Variants in DEFB118 observed in about 807,000 individuals in gnomAD.
The protein encoded by DEFB118 is defensin beta 118.
DEFB118 carries 3 observed loss-of-function variants against 2.8 expected under a neutral mutation model. That is an observed-to-expected ratio of 1.09 (90% CI 0.50 to 2.82). The LOEUF is 2.82. DEFB118 is among the 30% of genes most tolerant of loss of function. The pLI is 0.04. For synonymous variants in DEFB118, 63 were observed against 53.5 expected (o/e 1.18, Z -0.78); for missense variants, 159 against 144.6 (o/e 1.10, Z -0.51).
intron 1 of DEFB118, 146 bp from the exon 2 acceptor site, chr20:31,372,711 A>T (rs1199307710): frequency 9.3e-6 from 6 of 643,112 alleles, no homozygotes; most frequent in Non-Finnish European, 1.6e-5. Flanking sequence ...GAGGTTGAGT[A>T]TTTGCCAGAC....
chr20:31,372,091 T>C (rs188355043), intron 1 of DEFB118, among the ~76,000 whole-genome samples: 1 of 152,352 alleles, frequency 6.6e-6, no homozygotes, highest in African/African-American at 2.4e-5. Context: ...CACTCATCAG[T>C]TGATAGGCAC....
rs1986248995 is a variant in DEFB118, at chr20:31,373,299, C to T, written c.*129C>T. 1 of 819,898 alleles carries T rather than the reference C, an allele frequency of 1.2e-6. No homozygotes were observed. The highest frequency in any genetic ancestry group is 2.9e-5 in the Admixed American group (1 of 34,464). 50.8% of individuals were successfully genotyped at this position (819,898 alleles called of 1,614,324 possible). ...TATGTAATTCTATTAATAGAAACAG[C>T]TGTGTAAAGAAGTCTAAAATTTTCA... is the stretch of plus-strand genomic sequence containing the variant. On this transcript the variant is annotated 3_prime_UTR_variant, in exon 2 of 2. Transcript: ENST00000253381.
intron 1 of DEFB118, among the ~76,000 whole-genome samples, chr20:31,369,308 A>C (rs1986171315): frequency 6.6e-6 from 1 of 152,112 alleles, no homozygotes; most frequent in African/African-American, 2.4e-5. Context: ...GATCGAACTT[A>C]CATAAAAATG....
At chr20:31,369,385 GTTTT>G in intron 1 of DEFB118, among the ~76,000 whole-genome samples, 1 of 103,912 alleles carries the variant, frequency 9.6e-6, no homozygotes, top group East Asian at 2.9e-4. Context: ...GCACTCTTGT[GTTTT>G]TTTTTTTTTT....
chr20:31,373,403 G>GTATT lies in DEFB118; in HGVS notation c.*235_*238dup. The GTATT allele has an allele frequency of 1.9e-6, 1 of 528,312 alleles. No homozygotes were observed. The highest frequency in any genetic ancestry group is 2.9e-5 in the South Asian group (1 of 34,060). The allele number at this position is 528,312 out of a possible 1,614,324, so 32.7% of individuals were successfully genotyped here. Reference sequence around the variant, plus strand: ...CACAACAAGTTATAACCTATTTTTAGTATTTCTTGTTTGCTAGTGACCTAT... The same window carrying GTATT: ...CACAACAAGTTATAACCTATTTTTAGTATTTATTTCTTGTTTGCTAGTGACCTAT... On this transcript the variant is annotated 3_prime_UTR_variant, in exon 2 of 2. Coordinates refer to ENST00000253381, the MANE Select transcript of DEFB118 (RefSeq NM_054112.3).
intron 1 of DEFB118, 33 bp from the exon 2 acceptor site, chr20:31,372,824 C>A: frequency 6.3e-7 from 1 of 1,581,612 alleles, no homozygotes; most frequent in South Asian, 1.1e-5. Flanking sequence ...CATCAGTAAC[C>A]CAAAATCAAT....
chr20:31,373,255 C>G lies in DEFB118; in HGVS notation c.*85C>G, dbSNP rs1276358207. 17 of 1,157,382 alleles carry G rather than the reference C, an allele frequency of 1.5e-5. No individual in the cohort carries two copies. The Admixed American group carries it at 4.1e-4, about 28-fold the overall frequency. The allele number at this position is 1,157,382 out of a possible 1,614,324, so 71.7% of individuals were successfully genotyped here. On this transcript the variant is annotated 3_prime_UTR_variant, in exon 2 of 2. Transcript: ENST00000253381. ...TAAAGCACTGAAAACACCACAGTGA[C>G]CCTCCCACCCCCCACCAATATGTAA...
At chr20:31,368,805 T>C in intron 1 of DEFB118, 97 bp downstream of exon 1, 1 of 1,174,726 alleles carries the variant, frequency 8.5e-7, no homozygotes, top group South Asian at 1.2e-5. Context: ...CATGGGCAGC[T>C]CCACAGTTCC....
rs375103201 is a variant in DEFB118, at chr20:31,369,451, G to A, written c.58+743G>A. Among the ~76,000 whole-genome samples the A allele has an allele frequency of 1.5e-4, 21 of 144,492 alleles. No individual in the cohort carries two copies. The South Asian group carries it at 1.6e-3, about 11-fold the overall frequency. The allele number at this position is 144,492 out of a possible 152,430, so 94.8% of individuals were successfully genotyped here. A position where few individuals can be genotyped will look rare whatever the true frequency, so the allele number is the denominator to read the frequency against. On this transcript the variant is annotated intron_variant, in intron 1 of 1. Transcript: ENST00000253381. ...GTCACCCAGGCTGGAGTGCAGTGGC[G>A]CAATCTCAGCTCACTGCAACCTCTG...
At chr20:31,370,416 C>A (rs1034585653) in intron 1 of DEFB118, among the ~76,000 whole-genome samples, 1 of 152,090 alleles carries the variant, frequency 6.6e-6, no homozygotes, top group Admixed American at 6.5e-5. Context: ...AGATTTTGTA[C>A]ATGAAATCCA....
Position 31,373,902 on chromosome 20 carries a change from A to G in DEFB118, c.*732A>G, listed in dbSNP as rs1986259802. On this transcript the variant is annotated 3_prime_UTR_variant, in exon 2 of 2. Coordinates refer to ENST00000253381, the MANE Select transcript of DEFB118 (RefSeq NM_054112.3). ...CTTTATTTGTCTCCCTCTGATAGCAAAAAAAAAAAAAAAAAAAAAAATCTT... is the reference window on the plus strand; with the variant it reads ...CTTTATTTGTCTCCCTCTGATAGCAGAAAAAAAAAAAAAAAAAAAAATCTT... 8.6e-6 allele frequency: 1 copy of G among 116,692 alleles called. No individual in the cohort carries two copies. Among genetic ancestry groups the G allele is most frequent in the Non-Finnish European group, 1.6e-5 (1 of 61,230 alleles). 7.2% of individuals were successfully genotyped at this position (116,692 alleles called of 1,614,324 possible). A position where few individuals can be genotyped will look rare whatever the true frequency, so the allele number is the denominator to read the frequency against.
chr20:31,372,681 A>G (rs1156926639), intron 1 of DEFB118, among the ~76,000 whole-genome samples, 176 bp from the exon 2 acceptor site: 1 of 152,220 alleles, frequency 6.6e-6, no homozygotes, highest in Non-Finnish European at 1.5e-5. Context: ...CTTTCAGAAT[A>G]GTTAAAAATT....
intron 1 of DEFB118, among the ~76,000 whole-genome samples, chr20:31,369,626 G>A (rs1460027495): frequency 6.6e-6 from 1 of 152,102 alleles, no homozygotes; most frequent in Non-Finnish European, 1.5e-5. Flanking sequence ...TTGACCTCGG[G>A]TGATCCATCC....
At position 31,373,248 on chromosome 20, in the gene DEFB118, A is replaced by G; in HGVS notation, c.*78A>G. 7.7e-7 allele frequency: 1 copy of G among 1,302,082 alleles called. No individual in the cohort carries two copies. The highest frequency in any genetic ancestry group is 1.1e-6 in the Non-Finnish European group (1 of 938,878). 80.7% of individuals were successfully genotyped at this position (1,302,082 alleles called of 1,614,324 possible). A position where few individuals can be genotyped will look rare whatever the true frequency, so the allele number is the denominator to read the frequency against. ...ATACAGATAAAGCACTGAAAACACC[A>G]CAGTGACCCTCCCACCCCCCACCAA... On this transcript the variant is annotated 3_prime_UTR_variant, in exon 2 of 2. Coordinates refer to ENST00000253381, the MANE Select transcript of DEFB118 (RefSeq NM_054112.3).
At chr20:31,369,830 A>G (rs914439364) in intron 1 of DEFB118, among the ~76,000 whole-genome samples, 3 of 152,188 alleles carry the variant, frequency 2.0e-5, no homozygotes, top group Admixed American at 6.5e-5. Context: ...CATTTGAGAC[A>G]TTTCTTAATT....
intron 1 of DEFB118, among the ~76,000 whole-genome samples, chr20:31,370,308 C>T (rs1225900755): frequency 6.6e-6 from 1 of 152,194 alleles, no homozygotes; most frequent in Non-Finnish European, 1.5e-5. Flanking sequence ...CAATTCCAGA[C>T]ACAAACAGGA....
At chr20:31,370,979 G>A (rs1986201627) in intron 1 of DEFB118, among the ~76,000 whole-genome samples, 1 of 152,062 alleles carries the variant, frequency 6.6e-6, no homozygotes, top group African/African-American at 2.4e-5. Flanking sequence ...TCAAACTCCG[G>A]ACCTCAAGTG....
In DEFB118 at chr20:31,368,604, C is replaced by T; in HGVS notation, c.-47C>T. The T allele has an allele frequency of 6.3e-7, 1 of 1,588,450 alleles. No homozygotes were observed. Among genetic ancestry groups the T allele is most frequent in the Middle Eastern group, 1.7e-4 (1 of 6,000 alleles). On this transcript the variant is annotated 5_prime_UTR_variant, in exon 1 of 2. Transcript: ENST00000253381. ...CTCTTGTTCAGACTCACACTGCACACAGTATTCTGAACTCCTGGATCTACC... is the reference window on the plus strand; with the variant it reads ...CTCTTGTTCAGACTCACACTGCACATAGTATTCTGAACTCCTGGATCTACC...
chr20:31,369,271 T>A (rs1324139393), intron 1 of DEFB118, among the ~76,000 whole-genome samples: 1 of 152,178 alleles, frequency 6.6e-6, no homozygotes, highest in African/African-American at 2.4e-5. Flanking sequence ...TTCTCCTTTA[T>A]GTTTTTCAAG....
Sources: gnomAD v4.1 joint callset for allele counts (sites outside exome capture counted in the v4.1 genomes callset) on GRCh38, gnomAD v4.1.1 for gene constraint, MANE v1.5 for transcripts, NCBI Gene and HGNC (gene_info 2026-07-23, HGNC 2026-07-21) for gene names.